Variants in B3GAT2 observed in about 807,000 individuals in gnomAD.
B3GAT2 encodes beta-1,3-glucuronyltransferase 2, also known as galactosylgalactosylxylosylprotein 3-beta-glucuronosyltransferase 2.
Under a neutral mutation model 27.8 loss-of-function variants are expected in B3GAT2, and 26 were observed. The ratio of observed to expected loss-of-function variants is 0.93; its 90% CI spans 0.68 to 1.30. B3GAT2 has a LOEUF of 1.30. Ranked by LOEUF, B3GAT2 falls within the 50% of genes most tolerant of loss-of-function variation. The pLI, the probability that B3GAT2 is intolerant of heterozygous loss-of-function variation, is 0.00. For synonymous variants in B3GAT2, 218 were observed against 195.1 expected (o/e 1.12, Z -0.98); for missense variants, 458 against 459.0 (o/e 1.00, Z 0.02).
chr6:70,879,053 A>G (rs1470553930), intron 2 of B3GAT2, among the ~76,000 whole-genome samples: 1 of 152,188 alleles, frequency 6.6e-6, no homozygotes. Context: ...CAGTCATGTT[A>G]GTTACTATCC....
At chr6:70,927,934 A>G (rs910391853) in intron 1 of B3GAT2, among the ~76,000 whole-genome samples, 19 of 152,226 alleles carry the variant, frequency 1.2e-4, no homozygotes, top group African/African-American at 4.3e-4. Flanking sequence ...ACTTAGTTGG[A>G]AGTAAGGCAC....
intron 1 of B3GAT2, among the ~76,000 whole-genome samples, chr6:70,939,601 C>G (rs1426915625): frequency 1.3e-5 from 2 of 151,728 alleles, no homozygotes; most frequent in East Asian, 3.9e-4. Flanking sequence ...TTTGCAGGGA[C>G]ATGGATGAAA....
At chr6:70,930,440 C>T (rs1342054257) in intron 1 of B3GAT2, among the ~76,000 whole-genome samples, 2 of 152,072 alleles carry the variant, frequency 1.3e-5, no homozygotes, top group Non-Finnish European at 2.9e-5. Flanking sequence ...TGCAATCTAC[C>T]CATCTGACAA....
intron 2 of B3GAT2, among the ~76,000 whole-genome samples, chr6:70,884,284 GTA>G (rs1350613816): frequency 6.6e-6 from 1 of 152,112 alleles, no homozygotes; most frequent in Admixed American, 6.6e-5. Flanking sequence ...GAGCTCTGGA[GTA>G]TACAGCTCGG....
At chr6:70,924,448 A>C (rs957652030) in intron 1 of B3GAT2, among the ~76,000 whole-genome samples, 1 of 152,232 alleles carries the variant, frequency 6.6e-6, no homozygotes, top group Non-Finnish European at 1.5e-5. Context: ...AGGCACCCTG[A>C]ATAGCCAAAA....
chr6:70,869,769 T>C (rs1472611228), intron 2 of B3GAT2, among the ~76,000 whole-genome samples: 1 of 152,226 alleles, frequency 6.6e-6, no homozygotes, highest in African/African-American at 2.4e-5. Flanking sequence ...GCTAAACTCA[T>C]TTAATTAGCA....
intron 1 of B3GAT2, among the ~76,000 whole-genome samples, chr6:70,912,447 G>A (rs1482212274): frequency 6.6e-6 from 1 of 152,046 alleles, no homozygotes; most frequent in Non-Finnish European, 1.5e-5. Context: ...TTTGTATATG[G>A]TGAACCAATC....
At chr6:70,878,054 C>T (rs917251216) in intron 2 of B3GAT2, among the ~76,000 whole-genome samples, 3 of 152,090 alleles carry the variant, frequency 2.0e-5, no homozygotes, top group Non-Finnish European at 4.4e-5. Context: ...TGCTTTGAGC[C>T]TATACAAGCA....
At chr6:70,948,963 G>T (rs1279457239) in intron 1 of B3GAT2, among the ~76,000 whole-genome samples, 2 of 152,128 alleles carry the variant, frequency 1.3e-5, no homozygotes, top group Non-Finnish European at 2.9e-5. Context: ...ATGGGGAAAG[G>T]ATTCCCTATT....
chr6:70,931,238 T>G (rs566356575), intron 1 of B3GAT2, among the ~76,000 whole-genome samples: 2 of 151,940 alleles, frequency 1.3e-5, no homozygotes, highest in Admixed American at 6.6e-5. Flanking sequence ...ATGTAAATGA[T>G]GAGTTAATGG....
intron 1 of B3GAT2, among the ~76,000 whole-genome samples, chr6:70,927,705 T>G (rs1235233759): frequency 6.6e-6 from 1 of 152,112 alleles, no homozygotes; most frequent in Non-Finnish European, 1.5e-5. Flanking sequence ...CAAAGAGACT[T>G]AGACTCCCAA....
rs1771548146 is a variant in B3GAT2, at chr6:70,858,562, A to G, written c.*3101T>C. 1 of 192,214 alleles carries G rather than the reference A, an allele frequency of 5.2e-6. No homozygotes were observed. The highest frequency in any genetic ancestry group is 1.1e-5 in the Non-Finnish European group (1 of 94,010). The allele number at this position is 192,214 out of a possible 1,614,324, so 11.9% of individuals were successfully genotyped here. A position where few individuals can be genotyped will look rare whatever the true frequency, so the allele number is the denominator to read the frequency against. ...AGACTCCCTCTCTGTCACCTCTGAG[A>G]TTAGCACTAAGCTTTATCCAGCTTG... On this transcript the variant is annotated 3_prime_UTR_variant, in exon 4 of 4. Transcript: ENST00000230053.
intron 1 of B3GAT2, among the ~76,000 whole-genome samples, chr6:70,931,622 GA>G (rs1300498529): frequency 6.6e-6 from 1 of 152,032 alleles, no homozygotes; most frequent in South Asian, 2.1e-4. Flanking sequence ...ATGCAGCTGG[GA>G]AAAAAACTGG....
chr6:70,868,229 T>C (rs1388517040), intron 2 of B3GAT2, among the ~76,000 whole-genome samples: 1 of 152,178 alleles, frequency 6.6e-6, no homozygotes, highest in Non-Finnish European at 1.5e-5. Context: ...GACTGAGTGT[T>C]AAATCCCTGA....
At chr6:70,870,809 GTCTTAT>G (rs904958546) in intron 2 of B3GAT2, among the ~76,000 whole-genome samples, 1 of 152,158 alleles carries the variant, frequency 6.6e-6, no homozygotes, top group Non-Finnish European at 1.5e-5. Flanking sequence ...GGGTCATCTT[GTCTTAT>G]TCTTGATCTT....
intron 1 of B3GAT2, among the ~76,000 whole-genome samples, chr6:70,951,660 C>A (rs1488208241): frequency 5.3e-5 from 8 of 152,046 alleles, no homozygotes; most frequent in African/African-American, 1.9e-4. Flanking sequence ...AAAGAAAACT[C>A]TTATCAAAAA....
At chr6:70,917,889 G>C (rs1384448335) in intron 1 of B3GAT2, among the ~76,000 whole-genome samples, 1 of 152,216 alleles carries the variant, frequency 6.6e-6, no homozygotes, top group Non-Finnish European at 1.5e-5. Context: ...TTGGGAAGAA[G>C]AGTTCTGTAG....
chr6:70,907,615 C>T (rs531415899), intron 1 of B3GAT2, among the ~76,000 whole-genome samples: 28 of 152,290 alleles, frequency 1.8e-4, no homozygotes, highest in East Asian at 5.8e-4. Flanking sequence ...TGACTGATGA[C>T]GGATTTATGC....
intron 3 of B3GAT2, 24 bp downstream of exon 3, chr6:70,861,806 G>A (rs1394328571): frequency 3.1e-6 from 5 of 1,613,920 alleles, no homozygotes; most frequent in Admixed American, 1.7e-5. Flanking sequence ...ACTCGAGGTC[G>A]GGCAGCACAA....
Sources: gnomAD v4.1 joint callset for allele counts (sites outside exome capture counted in the v4.1 genomes callset) on GRCh38, gnomAD v4.1.1 for gene constraint, MANE v1.5 for transcripts, NCBI Gene and HGNC (gene_info 2026-07-23, HGNC 2026-07-21) for gene names.